GRHL2: variants seen among roughly 807,000 people sequenced by gnomAD.
GRHL2 encodes grainyhead-like protein 2 homolog.
A neutral mutation model predicts 83.8 loss-of-function variants in GRHL2; 21 were observed. That is an observed-to-expected ratio of 0.25 (90% CI 0.18 to 0.36). The LOEUF (loss-of-function observed/expected upper bound fraction) is 0.36, where lower values mean the gene tolerates loss of function less well. Among genes scored for constraint, GRHL2 ranks in the 10% least tolerant of loss-of-function variants. The pLI, the probability that GRHL2 is intolerant of heterozygous loss-of-function variation, is 1.00. For missense variants in GRHL2, 623 were observed against 781.8 expected (o/e 0.80, Z 2.42); for synonymous variants, 280 against 278.9 (o/e 1.00, Z -0.04).
intron 14 of GRHL2, among the ~76,000 whole-genome samples, chr8:101,651,463 A>G (rs1813620386): frequency 1.3e-5 from 2 of 152,186 alleles, no homozygotes; most frequent in South Asian, 4.1e-4. Context: ...GATCTAGACC[A>G]TTTCTGAATG....
At chr8:101,505,752 G>A (rs961934058) in intron 1 of GRHL2, among the ~76,000 whole-genome samples, 3 of 152,112 alleles carry the variant, frequency 2.0e-5, no homozygotes, top group South Asian at 2.1e-4. Flanking sequence ...ACACAAATTT[G>A]CATTTCGATT....
At chr8:101,558,187 A>G (rs1453429732) in intron 3 of GRHL2, among the ~76,000 whole-genome samples, 1 of 152,132 alleles carries the variant, frequency 6.6e-6, no homozygotes, top group Non-Finnish European at 1.5e-5. Context: ...TGTTTTTTAC[A>G]GTGAGACTGA....
chr8:101,558,302 C>A, intron 3 of GRHL2, 117 bp from the exon 4 acceptor site: 2 of 1,239,788 alleles, frequency 1.6e-6, no homozygotes, highest in Non-Finnish European at 1.2e-6. Context: ...TGCCAGCCCC[C>A]TGTCCCTTAA....
intron 9 of GRHL2, among the ~76,000 whole-genome samples, chr8:101,628,790 A>G (rs552194744): frequency 6.6e-6 from 1 of 152,284 alleles, no homozygotes; most frequent in Admixed American, 6.5e-5. Flanking sequence ...TGAGGTGTTC[A>G]GTACTTCAGT....
intron 1 of GRHL2, 90 bp from the exon 2 acceptor site, chr8:101,543,151 A>T: frequency 1.0e-6 from 1 of 967,144 alleles, no homozygotes; most frequent in Non-Finnish European, 1.7e-6. Context: ...AATAAAAATT[A>T]ATGTTTGTAG....
chr8:101,555,127 G>T (rs1214309320), intron 3 of GRHL2, among the ~76,000 whole-genome samples: 2 of 152,168 alleles, frequency 1.3e-5, no homozygotes, highest in African/African-American at 4.8e-5. Flanking sequence ...AAGAAACTTT[G>T]CCCCAAATGG....
At chr8:101,511,032 T>C (rs1356148229) in intron 1 of GRHL2, among the ~76,000 whole-genome samples, 1 of 151,958 alleles carries the variant, frequency 6.6e-6, no homozygotes, top group African/African-American at 2.4e-5. Context: ...ACCTGGGAGG[T>C]GGAGGTTGCA....
intron 4 of GRHL2, chr8:101,562,195 T>C (rs1811620167): frequency 1.6e-6 from 1 of 612,462 alleles, no homozygotes; most frequent in Non-Finnish European, 3.1e-6. Context: ...TTCTGTTTGA[T>C]TTCTTCAACT....
At chr8:101,671,216 C>A (rs980311950), downstream of GRHL2, among the ~76,000 whole-genome samples, 2 of 152,120 alleles carry the variant, frequency 1.3e-5, no homozygotes, top group South Asian at 4.1e-4. Context: ...TGAAGCAGGG[C>A]GAGGCATTGC....
chr8:101,600,745 A>C (rs951741093), intron 8 of GRHL2, among the ~76,000 whole-genome samples: 1 of 152,194 alleles, frequency 6.6e-6, no homozygotes, highest in African/African-American at 2.4e-5. Context: ...ATGATGATCC[A>C]ATGCTCTGGG....
At chr8:101,644,334 T>G in intron 13 of GRHL2, 109 bp downstream of exon 13, 1 of 814,778 alleles carries the variant, frequency 1.2e-6, no homozygotes, top group Non-Finnish European at 2.1e-6. Flanking sequence ...GCCAGCCTGG[T>G]GACTTTCTCT....
chr8:101,611,666 T>A (rs1279984501), intron 8 of GRHL2, among the ~76,000 whole-genome samples: 3 of 150,822 alleles, frequency 2.0e-5, no homozygotes, highest in Non-Finnish European at 4.4e-5. Context: ...CATGCCCCTG[T>A]CCTCTCTATA....
At chr8:101,652,732 A>C (rs1341353170) in intron 14 of GRHL2, among the ~76,000 whole-genome samples, 1 of 151,972 alleles carries the variant, frequency 6.6e-6, no homozygotes, top group African/African-American at 2.4e-5. Context: ...CAAGTTTCTT[A>C]ACCTCTTCTT....
At chr8:101,660,197 CAT>C (rs1387191793) in intron 14 of GRHL2, among the ~76,000 whole-genome samples, 1 of 152,130 alleles carries the variant, frequency 6.6e-6, no homozygotes, top group African/African-American at 2.4e-5. Context: ...GCTTAAGTGC[CAT>C]GTTATCAGAT....
At chr8:101,531,457 A>G (rs918701704) in intron 1 of GRHL2, among the ~76,000 whole-genome samples, 1 of 152,198 alleles carries the variant, frequency 6.6e-6, no homozygotes, top group Admixed American at 6.5e-5. Flanking sequence ...CTCAATAAGT[A>G]GTATGATGGT....
At chr8:101,567,634 A>G (rs760670505) in intron 4 of GRHL2, among the ~76,000 whole-genome samples, 1 of 152,222 alleles carries the variant, frequency 6.6e-6, no homozygotes, top group Non-Finnish European at 1.5e-5. Flanking sequence ...AGTCACCACT[A>G]CTATAACATG....
At chr8:101,575,586 A>T (rs1035364531) in intron 6 of GRHL2, among the ~76,000 whole-genome samples, 2 of 152,176 alleles carry the variant, frequency 1.3e-5, no homozygotes, top group African/African-American at 4.8e-5. Flanking sequence ...ACAGTGTTTC[A>T]TTCCAAGTCA....
chr8:101,503,112 C>G (rs1810265575), intron 1 of GRHL2, among the ~76,000 whole-genome samples: 1 of 152,192 alleles, frequency 6.6e-6, no homozygotes, highest in Non-Finnish European at 1.5e-5. Flanking sequence ...ATTTAAAAGT[C>G]TCTGAAGTCG....
chr8:101,579,209 T>C (rs1177826718), intron 7 of GRHL2, among the ~76,000 whole-genome samples: 1 of 152,202 alleles, frequency 6.6e-6, no homozygotes, highest in East Asian at 1.9e-4. Flanking sequence ...GTTAGCCTTA[T>C]AATTATTACC....
Sources: gnomAD v4.1 joint callset for allele counts (sites outside exome capture counted in the v4.1 genomes callset) on GRCh38, gnomAD v4.1.1 for gene constraint, MANE v1.5 for transcripts, NCBI Gene and HGNC (gene_info 2026-07-23, HGNC 2026-07-21) for gene names.